The following FBXW7 variants were observed in gnomAD, a reference collection of about 807,000 sequenced individuals.
FBXW7 encodes F-box and WD repeat domain containing 7, also known as F-box/WD repeat-containing protein 7.
A neutral mutation model predicts 86.3 loss-of-function variants in FBXW7; 11 were observed. That is an observed-to-expected ratio of 0.13 (90% CI 0.08 to 0.21). The LOEUF is 0.21. FBXW7 is among the 10% of genes least tolerant of loss of function. The pLI is 1.00. For missense variants in FBXW7, 488 were observed against 847.4 expected (o/e 0.58, Z 5.27); for synonymous variants, 313 against 297.9 (o/e 1.05, Z -0.52).
At chr4:152,343,625 T>A (rs984647012) in intron 6 of FBXW7, among the ~76,000 whole-genome samples, 25 of 152,154 alleles carry the variant, frequency 1.6e-4, no homozygotes, top group African/African-American at 5.8e-4. Context: ...CAAATTTCAA[T>A]ATAAGATAAT....
At chr4:152,442,469 T>A (rs1186413120) in intron 2 of FBXW7, among the ~76,000 whole-genome samples, 1 of 152,230 alleles carries the variant, frequency 6.6e-6, no homozygotes, top group Non-Finnish European at 1.5e-5. Context: ...ATACCTATGT[T>A]CTGAAATACC....
chr4:152,429,579 T>C (rs1402900275), intron 2 of FBXW7, among the ~76,000 whole-genome samples: 2 of 152,174 alleles, frequency 1.3e-5, no homozygotes, highest in African/African-American at 4.8e-5. Context: ...CTAAGTATGC[T>C]GGAAGCCATG....
chr4:152,493,570 C>G (rs1461304387), intron 2 of FBXW7, among the ~76,000 whole-genome samples: 1 of 152,112 alleles, frequency 6.6e-6, no homozygotes, highest in Admixed American at 6.6e-5. Context: ...CGTCAGAACA[C>G]GACTGTATTT....
At chr4:152,429,514 A>C (rs1739699788) in intron 2 of FBXW7, among the ~76,000 whole-genome samples, 1 of 152,036 alleles carries the variant, frequency 6.6e-6, no homozygotes, top group Non-Finnish European at 1.5e-5. Context: ...AGATAGTCAT[A>C]ATGGCATCAC....
intron 2 of FBXW7, among the ~76,000 whole-genome samples, chr4:152,449,174 T>C (rs892920089): frequency 4.6e-5 from 7 of 152,332 alleles, no homozygotes; most frequent in Non-Finnish European, 1.0e-4. Context: ...TTTATGACTC[T>C]ACAATTCAAG....
intron 4 of FBXW7, among the ~76,000 whole-genome samples, chr4:152,395,087 G>T (rs1242300493): frequency 6.6e-6 from 1 of 151,938 alleles, no homozygotes; most frequent in Non-Finnish European, 1.5e-5. Flanking sequence ...TTCCCCTGAG[G>T]ACTCAGTACA....
chr4:152,482,450 T>C (rs1185349293), intron 2 of FBXW7, among the ~76,000 whole-genome samples: 3 of 152,188 alleles, frequency 2.0e-5, no homozygotes, highest in Admixed American at 1.3e-4. Context: ...ATTGCAATCA[T>C]TATTTCGGAG....
At chr4:152,485,924 G>A (rs1325832255) in intron 2 of FBXW7, among the ~76,000 whole-genome samples, 1 of 152,152 alleles carries the variant, frequency 6.6e-6, no homozygotes, top group Non-Finnish European at 1.5e-5. Flanking sequence ...TCTGAGAAAT[G>A]TGTTTGTTAG....
chr4:152,346,799 G>T (rs1731307243), intron 6 of FBXW7, 131 bp downstream of exon 6: 2 of 1,246,558 alleles, frequency 1.6e-6, no homozygotes, highest in South Asian at 1.7e-5. Flanking sequence ...TCTTTCACTT[G>T]GCAGAATGAT....
At chr4:152,524,730 C>G (rs762242651) in intron 2 of FBXW7, among the ~76,000 whole-genome samples, 7 of 152,130 alleles carry the variant, frequency 4.6e-5, no homozygotes, top group Admixed American at 1.3e-4. Context: ...ACCCCACTCT[C>G]TTCTCCCGCT....
chr4:152,514,379 T>C (rs1236881511), intron 2 of FBXW7, among the ~76,000 whole-genome samples: 1 of 152,202 alleles, frequency 6.6e-6, no homozygotes, highest in Non-Finnish European at 1.5e-5. Context: ...GGGAAATCTT[T>C]CCTTCATGTT....
chr4:152,458,792 C>T (rs977872807), intron 2 of FBXW7, among the ~76,000 whole-genome samples: 7 of 152,098 alleles, frequency 4.6e-5, no homozygotes, highest in African/African-American at 1.7e-4. Context: ...CACAAGAAAC[C>T]AGGCAGGAAA....
intron 2 of FBXW7, among the ~76,000 whole-genome samples, chr4:152,524,595 A>G (rs1042227252): frequency 1.3e-5 from 2 of 152,172 alleles, no homozygotes; most frequent in Non-Finnish European, 2.9e-5. Flanking sequence ...CATGTCCACA[A>G]CCCAAAGAAA....
chr4:152,446,331 TA>T (rs907806399), intron 2 of FBXW7, among the ~76,000 whole-genome samples: 3 of 47,692 alleles, frequency 6.3e-5, no homozygotes, highest in African/African-American at 2.5e-4. Flanking sequence ...AAAAAAGACA[TA>T]AAAAGTGAAA....
In FBXW7 at chr4:152,491,409, A is replaced by C. The variant is rs569220731; in HGVS notation, c.-120+43532T>G. ...TAGGCTTAGTCTAGTGTAGAGGTTG[A>C]TAATAGTTAAGCAAATAAATCATAA... On this transcript the variant is annotated intron_variant, in intron 2 of 13. Transcript: ENST00000281708. 4.7e-4 allele frequency among the ~76,000 whole-genome samples: 71 copies of C among 152,252 alleles called. No individual in the cohort carries two copies. The Middle Eastern group carries it at 0.017, about 36-fold the overall frequency.
chr4:152,370,792 T>C (rs994620801), intron 4 of FBXW7, among the ~76,000 whole-genome samples: 5 of 151,888 alleles, frequency 3.3e-5, no homozygotes, highest in Non-Finnish European at 7.4e-5. Context: ...ATATTCAGTA[T>C]AGAAAAACAG....
At chr4:152,351,851 A>G (rs1441345444) in intron 4 of FBXW7, among the ~76,000 whole-genome samples, 3 of 152,148 alleles carry the variant, frequency 2.0e-5, no homozygotes, top group Admixed American at 2.0e-4. Context: ...AAATCCTTCA[A>G]TGAATAAACA....
chr4:152,366,205 A>G (rs1361392679), intron 4 of FBXW7, among the ~76,000 whole-genome samples: 1 of 152,202 alleles, frequency 6.6e-6, no homozygotes, highest in African/African-American at 2.4e-5. Flanking sequence ...CCCTCAGGGA[A>G]AAGTCATAAA....
At chr4:152,501,881 A>G (rs1406994776) in intron 2 of FBXW7, among the ~76,000 whole-genome samples, 1 of 152,190 alleles carries the variant, frequency 6.6e-6, no homozygotes, top group African/African-American at 2.4e-5. Context: ...AAATATGTAT[A>G]TCCAAATGCT....
Sources: gnomAD v4.1 joint callset for allele counts (sites outside exome capture counted in the v4.1 genomes callset) on GRCh38, gnomAD v4.1.1 for gene constraint, MANE v1.5 for transcripts, NCBI Gene and HGNC (gene_info 2026-07-23, HGNC 2026-07-21) for gene names.